Variants in MACROH2A1 observed in about 807,000 individuals in gnomAD.
MACROH2A1 encodes macroH2A.1 histone, also known as core histone macro-H2A.1.
In MACROH2A1, 2 loss-of-function variants were observed where a neutral mutation model predicts 31.6. The observed-to-expected ratio is 0.06, with a 90% CI of 0.03 to 0.20. The LOEUF is 0.20. MACROH2A1 is among the 10% of genes least tolerant of loss of function. The pLI is 1.00. For synonymous variants in MACROH2A1, 169 were observed against 189.6 expected (o/e 0.89, Z 0.89); for missense variants, 230 against 474.0 (o/e 0.49, Z 4.78).
chr5:135,360,476 T>C (rs762287210), intron 5 of MACROH2A1, 21 bp downstream of exon 5: 3 of 1,484,372 alleles, frequency 2.0e-6, no homozygotes, highest in Non-Finnish European at 2.8e-6. Context: ...TCGAGTAGAC[T>C]GAGGCCGCGC....
At chr5:135,335,272 G>T in intron 8 of MACROH2A1, 131 bp from the exon 9 acceptor site, 1 of 661,370 alleles carries the variant, frequency 1.5e-6, no homozygotes, top group Non-Finnish European at 2.6e-6. Context: ...TGAGCCCCGT[G>T]TCTGCTTGTA....
At chr5:135,395,013 C>A (rs1223734490) in intron 1 of MACROH2A1, among the ~76,000 whole-genome samples, 3 of 152,128 alleles carry the variant, frequency 2.0e-5, no homozygotes, top group Non-Finnish European at 4.4e-5. Flanking sequence ...CTATAGGAGC[C>A]CAGACACTCA....
At chr5:135,376,147 T>C (rs1345971396) in intron 2 of MACROH2A1, among the ~76,000 whole-genome samples, 1 of 151,958 alleles carries the variant, frequency 6.6e-6, no homozygotes, top group Non-Finnish European at 1.5e-5. Flanking sequence ...ATAGAGAAAA[T>C]AAAACCTACA....
At chr5:135,343,558 G>A (rs1760300423) in intron 7 of MACROH2A1, 124 bp from the exon 8 acceptor site, 7 of 1,418,740 alleles carry the variant, frequency 4.9e-6, no homozygotes, top group South Asian at 1.3e-5. Context: ...CCCTGTGTCC[G>A]AGGAGTTCCA....
chr5:135,389,027 A>G lies in MACROH2A1; in HGVS notation c.67T>C (p.Phe23Leu). ...TACCGCAGCATCCGCCCCACGGGAA[A>G]GATGACTCCTGCTTTGGCAGACCTG... ...TSRSAKAGVI[F>L]PVGRMLRYIK... Residue 23 changes from phenylalanine to leucine, a missense_variant, in exon 2 of 9, where the codon TTT (phenylalanine) becomes CTT (leucine). Physicochemically the swap from Phe to Leu is conservative, Grantham distance 22. This residue lies in a region of MACROH2A1 where 47 missense variants were observed against 154.7 expected (regional missense o/e 0.30). Coordinates refer to ENST00000511689, the MANE Select transcript of MACROH2A1 (RefSeq NM_138610.3). The G allele has an allele frequency of 6.2e-7, 1 of 1,614,090 alleles. No homozygotes were observed. The highest frequency in any genetic ancestry group is 8.5e-7 in the Non-Finnish European group (1 of 1,179,932).
In MACROH2A1 at chr5:135,369,265, G is replaced by T; in HGVS notation, c.477+141C>A. The T allele has an allele frequency of 1.3e-6, 1 of 748,446 alleles. No homozygotes were observed. The highest frequency in any genetic ancestry group is 2.3e-6 in the Non-Finnish European group (1 of 431,140). The allele number at this position is 748,446 out of a possible 1,614,324, so 46.4% of individuals were successfully genotyped here. A position where few individuals can be genotyped will look rare whatever the true frequency, so the allele number is the denominator to read the frequency against. On this transcript the variant is annotated intron_variant, in intron 4 of 8. Coordinates refer to ENST00000511689, the MANE Select transcript of MACROH2A1 (RefSeq NM_138610.3). The surrounding 1 kb of genome is among the most constrained non-coding windows in gnomAD (Gnocchi z 4.3). ...TGTGTTGGACTAGCCCCTCTGGAGA[G>T]TAATCAGCTCCTACATGTTCCTCCT...
intron 1 of MACROH2A1, among the ~76,000 whole-genome samples, chr5:135,395,519 C>A (rs1351237761): frequency 1.3e-5 from 2 of 152,182 alleles, no homozygotes; most frequent in Non-Finnish European, 2.9e-5. Context: ...GCATTTGTCA[C>A]CTTCCCATCA....
rs1441848711 is a variant in MACROH2A1 at position 135,398,533 on chromosome 5, T to C, written c.-34+529A>G. On this transcript the variant is annotated intron_variant, in intron 1 of 8. Coordinates refer to ENST00000511689, the MANE Select transcript of MACROH2A1 (RefSeq NM_138610.3). The surrounding 1 kb of genome is among the most constrained non-coding windows in gnomAD (Gnocchi z 4.6). ...CGAGTAGCCCCCGCCTTCCCCTCCC[T>C]GCAGATAGCGAGCCAGACGCCTACA... Among the ~76,000 whole-genome samples, 3 of 152,142 alleles carry C rather than the reference T, an allele frequency of 2.0e-5. No individual in the cohort carries two copies. Among genetic ancestry groups the C allele is most frequent in the Non-Finnish European group, 4.4e-5 (3 of 68,010 alleles).
intron 2 of MACROH2A1, among the ~76,000 whole-genome samples, chr5:135,385,743 A>C (rs1766313096): frequency 6.6e-6 from 1 of 152,196 alleles, no homozygotes; most frequent in South Asian, 2.1e-4. Context: ...CTCCTCAGAG[A>C]AGCCTTCCCT....
At position 135,364,365 on chromosome 5, in the gene MACROH2A1, T is replaced by C. The variant is rs1304486944; in HGVS notation, c.478-3758A>G. On this transcript the variant is annotated intron_variant, in intron 4 of 8. Coordinates refer to ENST00000511689, the MANE Select transcript of MACROH2A1 (RefSeq NM_138610.3). ...GTAACACACCTGCACATTGTGCACA[T>C]GTATACATATGTAACACACCTGCAC... 2.0e-5 allele frequency among the ~76,000 whole-genome samples: 3 copies of C among 151,054 alleles called. No homozygotes were observed. In the East Asian group the frequency reaches 5.8e-4, roughly 29 times the overall value.
Position 135,374,973 on chromosome 5 carries a change from C to T in MACROH2A1, c.173-4831G>A, listed in dbSNP as rs114192377. 4.7e-3 allele frequency among the ~76,000 whole-genome samples: 719 copies of T among 152,294 alleles called. 6 individuals are homozygous for T. The highest frequency in any genetic ancestry group is 0.016 in the African/African-American group (680 of 41,564). On this transcript the variant is annotated intron_variant, in intron 2 of 8. Coordinates refer to ENST00000511689, the MANE Select transcript of MACROH2A1 (RefSeq NM_138610.3). ...GTCGGTGACAGTCTAAGTTTTGTTA[C>T]CAATGACCAATACTAGACTGATTTG...
rs1363089041 is a variant in MACROH2A1, at chr5:135,380,038, A to G, written c.172+8884T>C. Among the ~76,000 whole-genome samples, 3 of 152,188 alleles carry G rather than the reference A, an allele frequency of 2.0e-5. No individual in the cohort carries two copies. In the East Asian group the frequency reaches 5.8e-4, roughly 29 times the overall value. On this transcript the variant is annotated intron_variant, in intron 2 of 8. Transcript: ENST00000511689. ...CTCTGCCCCCGTGTTAATCCTAATCATGTTTCATTTAAAAATCCAGGGGTC... is the reference window on the plus strand; with the variant it reads ...CTCTGCCCCCGTGTTAATCCTAATCGTGTTTCATTTAAAAATCCAGGGGTC...
intron 6 of MACROH2A1, among the ~76,000 whole-genome samples, 179 bp downstream of exon 6, chr5:135,352,767 C>T (rs1307170893): frequency 6.6e-6 from 1 of 152,112 alleles, no homozygotes; most frequent in Non-Finnish European, 1.5e-5. Context: ...TGAAACAGAC[C>T]GTTTACACTT....
At chr5:135,381,176 TA>T (rs1312254036) in intron 2 of MACROH2A1, among the ~76,000 whole-genome samples, 3 of 152,152 alleles carry the variant, frequency 2.0e-5, no homozygotes, top group African/African-American at 7.2e-5. Context: ...CCATGTGAAA[TA>T]AAATTAACTT....
At chr5:135,378,969 T>C (rs1461683988) in intron 2 of MACROH2A1, among the ~76,000 whole-genome samples, 1 of 152,180 alleles carries the variant, frequency 6.6e-6, no homozygotes, top group African/African-American at 2.4e-5. Flanking sequence ...AGTACCCTCA[T>C]TTTCTGAATG....
At position 135,369,462 on chromosome 5, in the gene MACROH2A1, G is replaced by T. The variant is rs1763920342; in HGVS notation, c.421C>A (p.Gln141Lys). The T allele has an allele frequency of 6.2e-7, 1 of 1,614,082 alleles. No homozygotes were observed. The highest frequency in any genetic ancestry group is 8.5e-7 in the Non-Finnish European group (1 of 1,180,042). Residue 141 changes from glutamine to lysine, a missense_variant, in exon 4 of 9, where the codon CAG (glutamine) becomes AAG (lysine). Physicochemically the swap from Gln to Lys is moderately conservative, Grantham distance 53. Around this residue, in one of 2 missense-constraint regions of MACROH2A1, gnomAD observed 183 missense variants for 319.3 expected, o/e 0.57. Coordinates refer to ENST00000511689, the MANE Select transcript of MACROH2A1 (RefSeq NM_138610.3). This position sits in a 1 kb window ranked among gnomAD's most constrained non-coding sequence, Gnocchi z 4.3. Reference sequence around the variant, plus strand: ...GCTTTTTTAGATACAGGCTTCTTCTGGGATGGAGACTTGGCCTTTTTGGCT... The same window carrying T: ...GCTTTTTTAGATACAGGCTTCTTCTTGGATGGAGACTTGGCCTTTTTGGCT... ...PPAKKAKSPSQKKPVSKKAGG... is the reference protein window; with the variant it reads ...PPAKKAKSPSKKKPVSKKAGG...
intron 8 of MACROH2A1, among the ~76,000 whole-genome samples, chr5:135,340,139 A>AG (rs1467538282): frequency 1.3e-5 from 2 of 152,154 alleles, no homozygotes; most frequent in African/African-American, 2.4e-5. Context: ...GATGGGAGGC[A>AG]GGGGTTCCAT....
chr5:135,372,798 C>G (rs967900932), intron 2 of MACROH2A1, among the ~76,000 whole-genome samples: 2 of 152,222 alleles, frequency 1.3e-5, no homozygotes, highest in Non-Finnish European at 2.9e-5. Flanking sequence ...GCAGAATCCT[C>G]ACGGCAGGAA....
chr5:135,358,308 A>C, intron 5 of MACROH2A1: 1 of 985,432 alleles, frequency 1.0e-6, no homozygotes. Context: ...AGTTTCTAAC[A>C]CTGGTGCTTA....
Sources: allele counts gnomAD v4.1 joint callset (sites outside exome capture counted in the v4.1 genomes callset), GRCh38; gene constraint gnomAD v4.1.1; regional missense constraint gnomAD v4.1.1; non-coding constraint Gnocchi (gnomAD v3.1); transcripts MANE v1.5; gene names NCBI Gene and HGNC (gene_info 2026-07-23, HGNC 2026-07-21).